The following LHFPL3 variants were observed in gnomAD, a reference collection of about 807,000 sequenced individuals.
The protein encoded by LHFPL3 is LHFPL tetraspan subfamily member 3.
A neutral mutation model predicts 19.3 loss-of-function variants in LHFPL3; 5 were observed. The observed-to-expected ratio is 0.26, with a 90% CI of 0.14 to 0.54. The LOEUF (loss-of-function observed/expected upper bound fraction) is 0.54. Ranked by LOEUF, LHFPL3 falls within the 20% of genes least tolerant of loss-of-function variation. LHFPL3 has a pLI of 0.94. For missense variants in LHFPL3, 249 were observed against 307.4 expected (o/e 0.81, Z 1.42); for synonymous variants, 133 against 126.2 (o/e 1.05, Z -0.36).
chr7:104,367,933 T>G (rs936256571), intron 1 of LHFPL3, among the ~76,000 whole-genome samples: 4 of 152,258 alleles, frequency 2.6e-5, no homozygotes, highest in Non-Finnish European at 5.9e-5. Context: ...TTTCCCCTTG[T>G]CCTTTTGAAC....
In LHFPL3 at chr7:104,825,581, CA is replaced by C. The variant is rs916253798; in HGVS notation, c.683-80597del. ...CCAGGATTAAGTCAGCTGCACATAA[CA>C]AAAAAAAATTCAAATAATAGTGTCT... is the stretch of plus-strand genomic sequence containing the variant. On this transcript the variant is annotated intron_variant, in intron 2 of 2. Coordinates refer to ENST00000424859, the MANE Select transcript of LHFPL3 (RefSeq NM_199000.3). 1.4e-3 allele frequency among the ~76,000 whole-genome samples: 208 copies of C among 151,004 alleles called. 2 individuals carry two copies. The highest frequency in any genetic ancestry group is 3.7e-3 in the African/African-American group (150 of 41,040).
intron 1 of LHFPL3, among the ~76,000 whole-genome samples, chr7:104,678,706 A>G (rs1043284142): frequency 2.6e-5 from 4 of 152,234 alleles, no homozygotes; most frequent in Non-Finnish European, 5.9e-5. Flanking sequence ...GTATTTAGAT[A>G]TAATTGTATA....
intron 2 of LHFPL3, among the ~76,000 whole-genome samples, chr7:104,902,034 G>A (rs145431722): frequency 3.7e-4 from 57 of 152,166 alleles, no homozygotes; most frequent in African/African-American, 1.3e-3. Flanking sequence ...GCCCACCACA[G>A]ATACTGTGGG....
intron 1 of LHFPL3, among the ~76,000 whole-genome samples, chr7:104,655,783 T>G (rs1445045165): frequency 1.3e-5 from 2 of 152,240 alleles, no homozygotes; most frequent in Non-Finnish European, 2.9e-5. Context: ...GTTAGTTTCC[T>G]TGGTTACCAA....
intron 2 of LHFPL3, 97 bp from the exon 3 acceptor site, chr7:104,906,090 G>A (rs890386955): frequency 4.8e-5 from 56 of 1,172,156 alleles, no homozygotes; most frequent in South Asian, 1.9e-4. Flanking sequence ...TAGTTTTTCC[G>A]TGACAAATAT....
intron 1 of LHFPL3, among the ~76,000 whole-genome samples, chr7:104,477,754 TAAAAAAAA>T (rs10551335): frequency 6.6e-6 from 1 of 151,412 alleles, no homozygotes; most frequent in African/African-American, 2.4e-5. Context: ...TAAAATAAGT[TAAAAAAAA>T]AAAGAGAAAG....
At chr7:104,817,255 G>A (rs1406548700) in intron 2 of LHFPL3, among the ~76,000 whole-genome samples, 1 of 152,144 alleles carries the variant, frequency 6.6e-6, no homozygotes, top group Non-Finnish European at 1.5e-5. Flanking sequence ...ATCCAGTGCT[G>A]GGCAGTCAAT....
At chr7:104,447,138 A>G (rs1033349279) in intron 1 of LHFPL3, among the ~76,000 whole-genome samples, 11 of 152,172 alleles carry the variant, frequency 7.2e-5, no homozygotes, top group Admixed American at 6.6e-4. Flanking sequence ...GCCCATTTAT[A>G]CAATTCTTTT....
intron 2 of LHFPL3, among the ~76,000 whole-genome samples, chr7:104,897,009 A>G (rs1040613055): frequency 6.6e-6 from 1 of 151,848 alleles, no homozygotes; most frequent in Non-Finnish European, 1.5e-5. Flanking sequence ...TCAGTTGAAC[A>G]CGGGAGGCAG....
chr7:104,481,679 A>G (rs1793139506), intron 1 of LHFPL3, among the ~76,000 whole-genome samples: 1 of 152,124 alleles, frequency 6.6e-6, no homozygotes, highest in African/African-American at 2.4e-5. Flanking sequence ...TTGGTTGATG[A>G]ATAAAGGTAG....
rs183667948 is a variant in LHFPL3, at chr7:104,429,410, C to T, written c.445+100186C>T. Among the ~76,000 whole-genome samples, 5 of 144,516 alleles carry T rather than the reference C, an allele frequency of 3.5e-5. No homozygotes were observed. In the East Asian group the frequency reaches 8.3e-4, roughly 24 times the overall value. The allele number at this position is 144,516 out of a possible 152,430, so 94.8% of individuals were successfully genotyped here. On this transcript the variant is annotated intron_variant, in intron 1 of 2. Coordinates refer to ENST00000424859, the MANE Select transcript of LHFPL3 (RefSeq NM_199000.3). Reference sequence around the variant, plus strand: ...GCAACCTCCTCCTTCTGGGTTCAAGCGATTCTCCTGTCTCAGCCTCCCAAG... The same window carrying T: ...GCAACCTCCTCCTTCTGGGTTCAAGTGATTCTCCTGTCTCAGCCTCCCAAG...
At chr7:104,851,859 T>G (rs1361440293) in intron 2 of LHFPL3, among the ~76,000 whole-genome samples, 1 of 152,058 alleles carries the variant, frequency 6.6e-6, no homozygotes, top group Non-Finnish European at 1.5e-5. Context: ...AAAGATACCA[T>G]CTGCTTGGGC....
intron 1 of LHFPL3, among the ~76,000 whole-genome samples, chr7:104,336,560 C>G (rs1175744000): frequency 6.6e-6 from 1 of 150,888 alleles, no homozygotes; most frequent in Non-Finnish European, 1.5e-5. Context: ...AGTTTTTCGA[C>G]CAATGTAGAC....
intron 2 of LHFPL3, among the ~76,000 whole-genome samples, chr7:104,905,312 TAATA>T (rs1023008589): frequency 6.6e-6 from 1 of 152,060 alleles, no homozygotes; most frequent in African/African-American, 2.4e-5. Flanking sequence ...ATATTTATAA[TAATA>T]AATCAGAAAC....
intron 1 of LHFPL3, among the ~76,000 whole-genome samples, chr7:104,730,005 T>C (rs1207087322): frequency 2.0e-5 from 3 of 152,094 alleles, no homozygotes; most frequent in African/African-American, 7.2e-5. Flanking sequence ...GTTTGGTTTT[T>C]TGTCCTTGTG....
chr7:104,669,431 G>A, intron 1 of LHFPL3: 1 of 1,613,358 alleles, frequency 6.2e-7, no homozygotes, highest in Admixed American at 1.7e-5. Flanking sequence ...AGGAAAGATG[G>A]CAAAAAGGAT....
chr7:104,721,509 G>A (rs1466556991), intron 1 of LHFPL3, among the ~76,000 whole-genome samples: 4 of 151,800 alleles, frequency 2.6e-5, no homozygotes, highest in Non-Finnish European at 4.4e-5. Flanking sequence ...TGCACGTTGT[G>A]CACATGTACC....
chr7:104,828,979 G>A (rs1303318897), intron 2 of LHFPL3, among the ~76,000 whole-genome samples: 1 of 151,744 alleles, frequency 6.6e-6, no homozygotes, highest in African/African-American at 2.4e-5. Context: ...AGGCTGCAGT[G>A]AGCCAAGATC....
At chr7:104,778,919 A>G (rs1197577792) in intron 2 of LHFPL3, among the ~76,000 whole-genome samples, 3 of 152,280 alleles carry the variant, frequency 2.0e-5, no homozygotes, top group African/African-American at 4.8e-5. Flanking sequence ...CGTACTTGCC[A>G]TAATGCCTGG....
Sources: allele counts gnomAD v4.1 joint callset (sites outside exome capture counted in the v4.1 genomes callset), GRCh38; gene constraint gnomAD v4.1.1; transcripts MANE v1.5; gene names NCBI Gene and HGNC (gene_info 2026-07-23, HGNC 2026-07-21).